IAH1: variants seen among roughly 807,000 people sequenced by gnomAD.
IAH1 encodes isoamyl acetate hydrolyzing esterase 1 (putative).
In IAH1, 24 loss-of-function variants were observed where a neutral mutation model predicts 26.7. The ratio of observed to expected loss-of-function variants is 0.90; its 90% CI spans 0.65 to 1.26. The LOEUF (loss-of-function observed/expected upper bound fraction) is 1.26. Ranked by LOEUF, IAH1 falls within the 50% of genes most tolerant of loss-of-function variation. The probability of loss-of-function intolerance (pLI) is 0.00; values close to 1 mark genes in which losing one functional copy is unlikely to be tolerated. For synonymous variants in IAH1, 140 were observed against 118.5 expected (o/e 1.18, Z -1.18); for missense variants, 300 against 299.9 (o/e 1.00, Z 0.00).
At position 9,474,997 on chromosome 2, in the gene IAH1, TAGCGGCCGCG is replaced by T. The variant is rs1682396452; in HGVS notation, c.81+351_81+360del. ...CGGCCTTTCCCCTCCGGGTCCGGGT[TAGCGGCCGCG>T]GGCGACCGCGCGCTGTGTCCCAGGA... On this transcript the variant is annotated intron_variant, in intron 1 of 5. Coordinates refer to ENST00000497473, the MANE Select transcript of IAH1 (RefSeq NM_001039613.3). The surrounding 1 kb of genome is among the most constrained non-coding windows in gnomAD (Gnocchi z 4.3). The T allele has an allele frequency of 9.1e-7, 1 of 1,101,956 alleles. No homozygotes were observed. The highest frequency in any genetic ancestry group is 1.1e-6 in the Non-Finnish European group (1 of 894,852). 68.3% of individuals were successfully genotyped at this position (1,101,956 alleles called of 1,614,324 possible). A position where few individuals can be genotyped will look rare whatever the true frequency, so the allele number is the denominator to read the frequency against.
the IAH1 span, chr2:9,506,934 T>C: frequency 6.6e-6 from 1 of 152,146 alleles, no homozygotes; most frequent in African/African-American, 2.4e-5. Flanking sequence ...TCCCTGAAGA[T>C]CTGGCAGCTT....
chr2:9,509,858 T>G, the IAH1 span: 1 of 1,287,014 alleles, frequency 7.8e-7, no homozygotes. Flanking sequence ...AGGTACTTTG[T>G]AATTTGCACA....
the IAH1 span, chr2:9,505,487 A>G: frequency 1.0e-6 from 1 of 989,368 alleles, no homozygotes; most frequent in East Asian, 2.6e-5. Context: ...GCCACCCTGG[A>G]GTTATGGCAA....
In IAH1 at chr2:9,476,018, C is replaced by A; in HGVS notation, c.113C>A (p.Ser38Ter). The change falls in exon 2 of 6, where the codon TCG (serine) becomes TAG (stop). Residue 38 changes from serine (S) to a stop codon, truncating the protein, a stop_gained. Transcript: ENST00000497473. LOFTEE classifies it high-confidence loss of function. ...TTCCAGCAGGGTGGATGGGGAGCAT[C>A]GCTGGCTGACAGGCTGGTCAGGTGA... ...FSFQQGGWGA[S>*]LADRLVRKCD... 1 of 1,613,752 alleles carries A rather than the reference C, an allele frequency of 6.2e-7. No homozygotes were observed. The highest frequency in any genetic ancestry group is 8.5e-7 in the Non-Finnish European group (1 of 1,179,908).
intron 4 of IAH1, 62 bp downstream of exon 4, chr2:9,481,509 T>A (rs1307868131): frequency 6.5e-7 from 1 of 1,547,102 alleles, no homozygotes; most frequent in Non-Finnish European, 8.9e-7. Context: ...GGAACTCTGA[T>A]AGGACAGTGG....
intron 5 of IAH1, 21 bp from the exon 6 acceptor site, chr2:9,488,126 A>G: frequency 6.4e-7 from 1 of 1,561,770 alleles, no homozygotes; most frequent in Non-Finnish European, 8.7e-7. Context: ...CCCACCTTTA[A>G]CCGATTTCTC....
rs75255515 is a variant in IAH1, at chr2:9,494,925, A to G, written c.*222+65A>G. 616 of 844,290 alleles carry G rather than the reference A, an allele frequency of 7.3e-4. 3 individuals carry two copies. In the African/African-American group the frequency reaches 0.01, roughly 14 times the overall value. 52.3% of individuals were successfully genotyped at this position (844,290 alleles called of 1,614,324 possible). The stretch of plus-strand genomic sequence containing the variant: ...CTATCCATAGCCCCCACCAAGGAGT[A>G]GTTTCTGAGGTCACACTCCTCAGCC... On this transcript the variant is annotated intron_variant, in intron 6 of 6. Transcript: ENST00000481367.
At chr2:9,480,532 C>T (rs1424843580) in intron 3 of IAH1, among the ~76,000 whole-genome samples, 2 of 152,156 alleles carry the variant, frequency 1.3e-5, no homozygotes, top group African/African-American at 4.8e-5. Context: ...AATATGAAGT[C>T]TTCAGTGTGA....
In IAH1 at chr2:9,484,436, C is replaced by T. The variant is rs751091781; in HGVS notation, c.450C>T (p.Cys150=). The change falls in exon 5 of 6, where the codon TGC becomes TGT. Residue 150 remains cysteine, a synonymous_variant. Coordinates refer to ENST00000497473, the MANE Select transcript of IAH1 (RefSeq NM_001039613.3). ...TCTATTTCTTCTCTTCAATAGGTTG[C>T]AAACTAAATCGCCTGAACTCTGTTG... ...AWEEQCIIQG[C]KLNRLNSVVG... is the part of the protein sequence containing the mutation. The T allele has an allele frequency of 6.2e-7, 1 of 1,613,884 alleles. No homozygotes were observed. Among genetic ancestry groups the T allele is most frequent in the South Asian group, 1.1e-5 (1 of 91,086 alleles).
downstream of IAH1, among the ~76,000 whole-genome samples, chr2:9,494,221 G>A (rs1558493659): frequency 6.6e-6 from 1 of 152,176 alleles, no homozygotes; most frequent in South Asian, 2.1e-4. Flanking sequence ...CTTCTCTAGA[G>A]AACAAAAGGG....
At chr2:9,480,775 G>GT (rs1179175686) in intron 3 of IAH1, 2 of 152,910 alleles carry the variant, frequency 1.3e-5, no homozygotes, top group Non-Finnish European at 2.9e-5. Context: ...AGTAGTATTC[G>GT]TGGGTGCCAT....
Position 9,474,662 on chromosome 2 carries a change from A to G in IAH1, c.81+15A>G. On this transcript the variant is annotated intron_variant, in intron 1 of 5. Coordinates refer to ENST00000497473, the MANE Select transcript of IAH1 (RefSeq NM_001039613.3). This position sits in a 1 kb window ranked among gnomAD's most constrained non-coding sequence, Gnocchi z 4.3. The stretch of plus-strand genomic sequence containing the variant: ...CCATCACCCAGGTACGGCCGCCCCG[A>G]CGCTCGGCCTCCCGCCCCGGCCTCC... The G allele has an allele frequency of 6.5e-7, 1 of 1,531,434 alleles. No individual in the cohort carries two copies. The highest frequency in any genetic ancestry group is 1.4e-5 in the African/African-American group (1 of 69,858). 94.9% of individuals were successfully genotyped at this position (1,531,434 alleles called of 1,614,324 possible). A position where few individuals can be genotyped will look rare whatever the true frequency, so the allele number is the denominator to read the frequency against.
chr2:9,476,029 A>C lies in IAH1; in HGVS notation c.124A>C (p.Arg42=). ...QGGWGASLAD[R]LVRKCDVLNR... ...TGGATGGGGAGCATCGCTGGCTGAC[A>C]GGCTGGTCAGGTGAGAATGGTTTCC... Residue 42 remains arginine, a synonymous_variant, in exon 2 of 6, where the codon AGG becomes CGG. Coordinates refer to ENST00000497473, the MANE Select transcript of IAH1 (RefSeq NM_001039613.3). 1.9e-6 allele frequency: 3 copies of C among 1,613,678 alleles called. No homozygotes were observed. The highest frequency in any genetic ancestry group is 2.5e-6 in the Non-Finnish European group (3 of 1,179,824).
chr2:9,507,964 G>C, the IAH1 span, among the ~76,000 whole-genome samples: 2 of 152,080 alleles, frequency 1.3e-5, no homozygotes, highest in African/African-American at 2.4e-5. Context: ...TGCCCACCTC[G>C]GCCTCTCAAA....
chr2:9,511,294 CA>C, the IAH1 span, among the ~76,000 whole-genome samples: 11 of 151,966 alleles, frequency 7.2e-5, no homozygotes, highest in East Asian at 1.8e-3. Context: ...ACTAAAAATA[CA>C]AAAAATTAGC....
chr2:9,476,340 T>A lies in IAH1; in HGVS notation c.134+301T>A, dbSNP rs146791153. On this transcript the variant is annotated intron_variant, in intron 2 of 5. Transcript: ENST00000497473. ...AGTCCAGCTGCTATGACTGCAGAAC[T>A]TGCAGTTTCACTGCTACACCACACT... 1.4e-3 allele frequency among the ~76,000 whole-genome samples: 206 copies of A among 152,400 alleles called. 1 individual carries two copies. The highest frequency in any genetic ancestry group is 4.7e-3 in the African/African-American group (197 of 41,604).
chr2:9,477,088 G>A (rs1660848226), intron 2 of IAH1, among the ~76,000 whole-genome samples: 1 of 152,136 alleles, frequency 6.6e-6, no homozygotes, highest in Admixed American at 6.5e-5. Flanking sequence ...CTGTAAAATG[G>A]CTAGTCGCAT....
At chr2:9,498,222 G>A (rs999696113), downstream of IAH1, among the ~76,000 whole-genome samples, 20 of 152,040 alleles carry the variant, frequency 1.3e-4, no homozygotes, top group African/African-American at 4.1e-4. Flanking sequence ...TTTGAGAGAC[G>A]AGATCTCCCT....
downstream of IAH1, among the ~76,000 whole-genome samples, chr2:9,498,469 T>G (rs1195599776): frequency 6.6e-6 from 1 of 152,220 alleles, no homozygotes; most frequent in Non-Finnish European, 1.5e-5. Flanking sequence ...AAACACTTTA[T>G]GAAAGCAATG....
Sources: gnomAD v4.1 joint callset for allele counts (sites outside exome capture counted in the v4.1 genomes callset) on GRCh38, gnomAD v4.1.1 for gene constraint, Gnocchi (gnomAD v3.1) non-coding constraint, MANE v1.5 for transcripts, NCBI Gene and HGNC (gene_info 2026-07-23, HGNC 2026-07-21) for gene names.